Variants in PMM2 observed in about 807,000 individuals in gnomAD.
PMM2 encodes the protein mannose-6-phosphate isomerase.
Under a neutral mutation model 33.2 loss-of-function variants are expected in PMM2, and 35 were observed. The observed-to-expected ratio is 1.06, with a 90% CI of 0.81 to 1.40. PMM2 has a LOEUF of 1.40. PMM2 is among the 40% of genes most tolerant of loss of function. The pLI is 0.00. For missense variants in PMM2, 386 were observed against 306.0 expected, an observed-to-expected ratio of 1.26 and a Z score of -1.95; for synonymous variants, 153 against 114.7, an observed-to-expected ratio of 1.33 and a Z score of -2.13.
In PMM2 at chr16:8,848,089, C is replaced by T. The variant is rs997537492; in HGVS notation, c.*264C>T. 1 of 464,510 alleles carries T rather than the reference C, an allele frequency of 2.2e-6. No homozygotes were observed. The highest frequency in any genetic ancestry group is 2.2e-5 in the African/African-American group (1 of 46,010). The allele number at this position is 464,510 out of a possible 1,614,324, so 28.8% of individuals were successfully genotyped here. ...CCACCCCCAGCCCCCTAGTCTAATA[C>T]CCACCCTGATACGTGCAATCATGTA... is the stretch of plus-strand genomic sequence containing the variant. On this transcript the variant is annotated 3_prime_UTR_variant, in exon 8 of 8. Transcript: ENST00000268261.
chr16:8,804,031 G>GTTTTTTTTTTTTTTTTT (rs752484926), intron 2 of PMM2, among the ~76,000 whole-genome samples: 38 of 87,490 alleles, frequency 4.3e-4, no homozygotes, highest in African/African-American at 9.6e-4. Context: ...GGTTTTTTTT[G>GTTTTTTTTTTTTTTTTT]TTTTTTTTTT....
chr16:8,833,140 G>T (rs1211102114), intron 7 of PMM2, among the ~76,000 whole-genome samples: 6 of 152,236 alleles, frequency 3.9e-5, no homozygotes, highest in African/African-American at 1.2e-4. Flanking sequence ...TCCCAAAAGA[G>T]AGTCAGCAAA....
intron 7 of PMM2, among the ~76,000 whole-genome samples, chr16:8,831,769 A>G (rs140411287): frequency 6.6e-6 from 1 of 152,348 alleles, no homozygotes; most frequent in Non-Finnish European, 1.5e-5. Flanking sequence ...GCATCTGAAC[A>G]TGGCCAACAC....
In PMM2 at chr16:8,798,009, G is replaced by A. The variant is rs982022517; in HGVS notation, c.66+61G>A. ...CGGAGCCCGTGCTGTTCCCAGTTGGGGCTATCGACCACCCAGGGTAGGCGC... is the reference window on the plus strand; with the variant it reads ...CGGAGCCCGTGCTGTTCCCAGTTGGAGCTATCGACCACCCAGGGTAGGCGC... On this transcript the variant is annotated intron_variant, in intron 1 of 7. Coordinates refer to ENST00000268261, the MANE Select transcript of PMM2 (RefSeq NM_000303.3). 1.5e-5 allele frequency: 22 copies of A among 1,510,712 alleles called. No homozygotes were observed. The Admixed American group carries it at 4.3e-4, about 29-fold the overall frequency. 93.6% of individuals were successfully genotyped at this position (1,510,712 alleles called of 1,614,324 possible).
chr16:8,799,652 A>G (rs1472978579), intron 1 of PMM2, among the ~76,000 whole-genome samples: 3 of 152,132 alleles, frequency 2.0e-5, no homozygotes, highest in South Asian at 2.1e-4. Flanking sequence ...GGTTCAAGCA[A>G]TTCTCCTGCC....
intron 7 of PMM2, among the ~76,000 whole-genome samples, chr16:8,821,915 A>G (rs1173943934): frequency 1.3e-5 from 2 of 152,204 alleles, no homozygotes; most frequent in Non-Finnish European, 2.9e-5. Flanking sequence ...GCTCTACGCC[A>G]TTTCAGAGCA....
At chr16:8,813,736 C>G (rs2060690918) in intron 7 of PMM2, among the ~76,000 whole-genome samples, 1 of 152,078 alleles carries the variant, frequency 6.6e-6, no homozygotes, top group Non-Finnish European at 1.5e-5. Flanking sequence ...AAGAAATGCC[C>G]CCAGGTGTCC....
At chr16:8,844,697 C>T (rs562777605) in intron 7 of PMM2, among the ~76,000 whole-genome samples, 1 of 152,314 alleles carries the variant, frequency 6.6e-6, no homozygotes, top group Non-Finnish European at 1.5e-5. Context: ...AGGCTGCCTT[C>T]CCAGTCCGTG....
chr16:8,831,873 T>C (rs2060811756), intron 7 of PMM2, among the ~76,000 whole-genome samples: 1 of 152,216 alleles, frequency 6.6e-6, no homozygotes, highest in Non-Finnish European at 1.5e-5. Context: ...CTTTGGTGCC[T>C]GTCAGGTACA....
intron 7 of PMM2, among the ~76,000 whole-genome samples, chr16:8,839,211 T>G (rs776165697): frequency 6.6e-6 from 1 of 151,922 alleles, no homozygotes; most frequent in African/African-American, 2.4e-5. Flanking sequence ...TATTTGCAAA[T>G]TGAATTTTGG....
At chr16:8,812,150 G>C (rs2060681367) in intron 6 of PMM2, among the ~76,000 whole-genome samples, 1 of 152,214 alleles carries the variant, frequency 6.6e-6, no homozygotes, top group Non-Finnish European at 1.5e-5. Context: ...AGGAACCTTA[G>C]GGGCCAATTG....
At chr16:8,804,112 C>T (rs549761244) in intron 2 of PMM2, among the ~76,000 whole-genome samples, 8 of 140,866 alleles carry the variant, frequency 5.7e-5, no homozygotes, top group African/African-American at 1.9e-4. Flanking sequence ...AATCTTGGCT[C>T]ACTGAACCCT....
chr16:8,813,164 T>C (rs2060687532), intron 7 of PMM2, 58 bp downstream of exon 7: 1 of 1,091,480 alleles, frequency 9.2e-7, no homozygotes, highest in South Asian at 1.2e-5. Context: ...ATGGGGGAAA[T>C]TGACAACTGG....
intron 7 of PMM2, among the ~76,000 whole-genome samples, chr16:8,846,710 G>C (rs117953090): frequency 0.045 from 6,867 of 152,194 alleles, 231 homozygotes; most frequent in Middle Eastern, 0.13. Flanking sequence ...TCTGGCCACA[G>C]AGCTGTGAGC....
intron 7 of PMM2, among the ~76,000 whole-genome samples, chr16:8,842,983 G>C (rs1347998074): frequency 6.6e-6 from 1 of 152,136 alleles, no homozygotes; most frequent in South Asian, 2.1e-4. Flanking sequence ...GCTTTGGGTT[G>C]GGGAGAAGGG....
intron 7 of PMM2, among the ~76,000 whole-genome samples, chr16:8,836,962 C>T (rs1364928393): frequency 6.6e-6 from 1 of 151,996 alleles, no homozygotes; most frequent in Non-Finnish European, 1.5e-5. Context: ...ACAGAATGAA[C>T]TGTAAGCTGG....
intron 7 of PMM2, among the ~76,000 whole-genome samples, chr16:8,836,945 G>T (rs118125187): frequency 0.045 from 6,827 of 152,072 alleles, 261 homozygotes; most frequent in Middle Eastern, 0.13. Context: ...GTGGGGGAGG[G>T]CCAGTCACAG....
intron 7 of PMM2, among the ~76,000 whole-genome samples, chr16:8,820,351 C>CTTTTTTTTTTTTTTTTTTTTT (rs545958069): frequency 1.5e-5 from 2 of 133,136 alleles, no homozygotes; most frequent in African/African-American, 6.2e-5. Flanking sequence ...CACAGTTCTT[C>CTTTTTTTTTTTTTTTTTTTTT]TTTTTTTTTT....
At chr16:8,845,862 G>T (rs2060922437) in intron 7 of PMM2, among the ~76,000 whole-genome samples, 1 of 145,544 alleles carries the variant, frequency 6.9e-6, no homozygotes, top group Non-Finnish European at 1.5e-5. Context: ...CACAGTCTTT[G>T]TCTCAGCTAC....
Sources: gnomAD v4.1 joint callset for allele counts (sites outside exome capture counted in the v4.1 genomes callset) on GRCh38, gnomAD v4.1.1 for gene constraint, MANE v1.5 for transcripts, NCBI Gene and HGNC (gene_info 2026-07-23, HGNC 2026-07-21) for gene names.